SEZ6L: variants seen among roughly 807,000 people sequenced by gnomAD.
SEZ6L encodes seizure 6-like protein.
In SEZ6L, 37 loss-of-function variants were observed where a neutral mutation model predicts 106.2. The observed-to-expected ratio is 0.35, with a 90% confidence interval of 0.27 to 0.46. SEZ6L has a LOEUF of 0.46. Ranked by LOEUF, SEZ6L falls within the 20% of genes least tolerant of loss-of-function variation. SEZ6L has a pLI of 1.00. For missense variants in SEZ6L, 1,172 were observed against 1,332.8 expected, an observed-to-expected ratio of 0.88 and a Z score of 1.88; for synonymous variants, 541 against 570.4, an observed-to-expected ratio of 0.95 and a Z score of 0.73.
intron 12 of SEZ6L, among the ~76,000 whole-genome samples, chr22:26,357,621 AAGAG>A (rs2083480908): frequency 6.6e-6 from 1 of 152,210 alleles, no homozygotes; most frequent in Non-Finnish European, 1.5e-5. Context: ...TAGAGTAAGA[AAGAG>A]AAAGAATTTT....
chr22:26,179,736 A>G (rs1269629722), intron 1 of SEZ6L, among the ~76,000 whole-genome samples: 2 of 152,158 alleles, frequency 1.3e-5, no homozygotes, highest in African/African-American at 4.8e-5. Context: ...TCTTGCATGC[A>G]TCTGCTTCTC....
chr22:26,353,669 C>T (rs1406845928), intron 12 of SEZ6L, among the ~76,000 whole-genome samples: 6 of 152,326 alleles, frequency 3.9e-5, no homozygotes, highest in Non-Finnish European at 8.8e-5. Context: ...CTTGATTGGA[C>T]ATAGCGTCTT....
intron 9 of SEZ6L, among the ~76,000 whole-genome samples, chr22:26,333,140 T>C (rs1257618643): frequency 6.6e-6 from 1 of 152,232 alleles, no homozygotes; most frequent in Non-Finnish European, 1.5e-5. Context: ...TAACACTAAA[T>C]GGCATGTCCA....
At chr22:26,262,344 G>A (rs1383873114) in intron 1 of SEZ6L, among the ~76,000 whole-genome samples, 1 of 151,762 alleles carries the variant, frequency 6.6e-6, no homozygotes, top group African/African-American at 2.4e-5. Context: ...TGGCAGGTGT[G>A]AGACTCAACT....
intron 12 of SEZ6L, among the ~76,000 whole-genome samples, chr22:26,361,632 T>C (rs2083638926): frequency 6.6e-6 from 1 of 152,122 alleles, no homozygotes; most frequent in South Asian, 2.1e-4. Flanking sequence ...GCTCACTATA[T>C]GCTGCCCATC....
intron 12 of SEZ6L, among the ~76,000 whole-genome samples, chr22:26,363,672 G>A (rs2083710496): frequency 6.6e-6 from 1 of 152,178 alleles, no homozygotes; most frequent in South Asian, 2.1e-4. Flanking sequence ...TTATCTGACA[G>A]TTTCTGTGGG....
intron 9 of SEZ6L, among the ~76,000 whole-genome samples, chr22:26,327,400 ACATACACAC>A (rs2082346063): frequency 9.4e-6 from 1 of 105,984 alleles, no homozygotes; most frequent in African/African-American, 3.3e-5. Context: ...TACACACACC[ACATACACAC>A]CACACACACA....
In SEZ6L at chr22:26,310,710, C is replaced by T; in HGVS notation, c.1555C>T (p.Leu519Phe). 6.2e-7 allele frequency: 1 copy of T among 1,614,188 alleles called. No homozygotes were observed. Among genetic ancestry groups the T allele is most frequent in the Non-Finnish European group, 8.5e-7 (1 of 1,180,040 alleles). Residue 519 changes from leucine to phenylalanine, a missense_variant, in exon 7 of 17, where the codon CTC (leucine) becomes TTC (phenylalanine). Coordinates refer to ENST00000248933, the MANE Select transcript of SEZ6L (RefSeq NM_021115.5). ...CGGGCAGACCAACAAGTCAGCTCTT[C>T]TCTACGACTCCCTTCAAACCGAGAG... ...HSGQTNKSAL[L>F]YDSLQTESVP...
At chr22:26,186,271 A>G (rs1383065261) in intron 1 of SEZ6L, among the ~76,000 whole-genome samples, 1 of 152,200 alleles carries the variant, frequency 6.6e-6, no homozygotes, top group Non-Finnish European at 1.5e-5. Context: ...CATGGCCAGA[A>G]TATCCTGAAC....
At chr22:26,206,747 C>A (rs1364823339) in intron 1 of SEZ6L, among the ~76,000 whole-genome samples, 2 of 152,194 alleles carry the variant, frequency 1.3e-5, no homozygotes, top group African/African-American at 4.8e-5. Context: ...AAACAGCACC[C>A]ATTTGAGTTG....
At chr22:26,354,458 C>T (rs1271313010) in intron 12 of SEZ6L, among the ~76,000 whole-genome samples, 1 of 152,146 alleles carries the variant, frequency 6.6e-6, no homozygotes, top group Non-Finnish European at 1.5e-5. Context: ...GGACTTCCAG[C>T]CTCCCAGCCA....
chr22:26,265,950 G>A (rs2080162379), intron 1 of SEZ6L, among the ~76,000 whole-genome samples: 1 of 152,170 alleles, frequency 6.6e-6, no homozygotes, highest in South Asian at 2.1e-4. Flanking sequence ...CAGTCTGATG[G>A]GGGGATGTTC....
At chr22:26,252,111 A>T (rs1480379052) in intron 1 of SEZ6L, among the ~76,000 whole-genome samples, 1 of 152,144 alleles carries the variant, frequency 6.6e-6, no homozygotes, top group Non-Finnish European at 1.5e-5. Flanking sequence ...AGACGCTTGG[A>T]TCCCATCCCA....
intron 1 of SEZ6L, among the ~76,000 whole-genome samples, chr22:26,174,797 A>C (rs1938868384): frequency 6.6e-6 from 1 of 152,202 alleles, no homozygotes; most frequent in African/African-American, 2.4e-5. Flanking sequence ...CACGAGATAT[A>C]ATTTACTAGA....
chr22:26,204,053 C>T (rs1411308910), intron 1 of SEZ6L, among the ~76,000 whole-genome samples: 1 of 152,210 alleles, frequency 6.6e-6, no homozygotes, highest in Non-Finnish European at 1.5e-5. Context: ...AGAACTTACT[C>T]TGCAATTCTA....
rs763492337 is a variant in SEZ6L, at chr22:26,310,873, G to A, written c.1681+37G>A. 6 of 1,599,722 alleles carry A rather than the reference G, an allele frequency of 3.8e-6. No individual in the cohort carries two copies. In the South Asian group the frequency reaches 4.4e-5, roughly 12 times the overall value. On this transcript the variant is annotated intron_variant, in intron 7 of 16. Coordinates refer to ENST00000248933, the MANE Select transcript of SEZ6L (RefSeq NM_021115.5). The stretch of plus-strand genomic sequence containing the variant: ...TGGGAGCTTCCCTTTCTCTTGTGGG[G>A]CTGGGGGTAGCCTGGGAGCAGGGAA...
At chr22:26,241,871 C>A (rs967413497) in intron 1 of SEZ6L, among the ~76,000 whole-genome samples, 5 of 152,150 alleles carry the variant, frequency 3.3e-5, no homozygotes, top group Admixed American at 6.6e-5. Context: ...ACCAAGGACA[C>A]CGGGAGGACA....
chr22:26,170,395 G>T (rs1447269904), intron 1 of SEZ6L, among the ~76,000 whole-genome samples: 1 of 152,084 alleles, frequency 6.6e-6, no homozygotes, highest in African/African-American at 2.4e-5. Context: ...AGGGAGAAGA[G>T]ATGTTAGTTA....
At chr22:26,208,392 T>TA (rs1258222857) in intron 1 of SEZ6L, among the ~76,000 whole-genome samples, 1 of 152,226 alleles carries the variant, frequency 6.6e-6, no homozygotes, top group East Asian at 1.9e-4. Context: ...TAGATTTTCT[T>TA]AGTTACTTTT....
Sources: gnomAD v4.1 joint callset for allele counts (sites outside exome capture counted in the v4.1 genomes callset) on GRCh38, gnomAD v4.1.1 for gene constraint, MANE v1.5 for transcripts, NCBI Gene and HGNC (gene_info 2026-07-23, HGNC 2026-07-21) for gene names.